Variants in LAMA1 observed in about 807,000 individuals in gnomAD.
LAMA1 encodes the protein laminin subunit alpha-1.
LAMA1 carries 219 observed loss-of-function variants against 348.7 expected under a neutral mutation model. The ratio of observed to expected loss-of-function variants is 0.63; its 90% CI spans 0.56 to 0.70. The LOEUF (loss-of-function observed/expected upper bound fraction) is 0.70. LAMA1 is among the 30% of genes least tolerant of loss of function. LAMA1 has a pLI of 0.00. For synonymous variants in LAMA1, 1,487 were observed against 1,491.0 expected, an observed-to-expected ratio of 1.00 and a Z score of 0.06; for missense variants, 3,744 against 3,888.0, an observed-to-expected ratio of 0.96 and a Z score of 0.99.
chr18:7,102,788 A>T (rs754059193), intron 1 of LAMA1, among the ~76,000 whole-genome samples: 27 of 152,184 alleles, frequency 1.8e-4, no homozygotes, highest in Non-Finnish European at 2.9e-4. Flanking sequence ...CTTGTTGACT[A>T]TGTGTGTTAA....
Position 7,077,010 on chromosome 18 carries a change from G to A in LAMA1, c.345+2965C>T, listed in dbSNP as rs141974615. 475 of 152,060 alleles carry A rather than the reference G, an allele frequency of 3.1e-3. 2 individuals carry two copies. The highest frequency in any genetic ancestry group is 0.011 in the African/African-American group (462 of 41,460). The allele number at this position is 152,060 out of a possible 1,614,324, so 9.4% of individuals were successfully genotyped here. ...AATAAATCTGAGAAAGGCTTGATCA[G>A]ATATAAGCATAATGTGCTTTGTTTA... On this transcript the variant is annotated intron_variant, in intron 3 of 62. Transcript: ENST00000389658.
At chr18:7,097,237 G>T (rs951254456) in intron 1 of LAMA1, among the ~76,000 whole-genome samples, 2 of 150,188 alleles carry the variant, frequency 1.3e-5, no homozygotes, top group Admixed American at 6.7e-5. Context: ...TCCACACCAG[G>T]CTTCTTTATT....
chr18:6,979,691 A>G (rs879466994), intron 42 of LAMA1, among the ~76,000 whole-genome samples: 24 of 152,238 alleles, frequency 1.6e-4, no homozygotes, highest in Admixed American at 1.0e-3. Context: ...CGAGGTCAGG[A>G]GATCGAGACC....
At chr18:7,013,246 T>C (rs984193222) in intron 23 of LAMA1, among the ~76,000 whole-genome samples, 11 of 151,926 alleles carry the variant, frequency 7.2e-5, no homozygotes, top group Non-Finnish European at 2.9e-5. Context: ...TTCCTTCCTA[T>C]CTCCAGTCAC....
At chr18:7,028,853 G>A (rs2057956047) in intron 16 of LAMA1, among the ~76,000 whole-genome samples, 2 of 152,224 alleles carry the variant, frequency 1.3e-5, no homozygotes, top group Non-Finnish European at 2.9e-5. Context: ...CGGGCTCGAA[G>A]GGAGCGGGGC....
At position 7,023,386 on chromosome 18, in the gene LAMA1, G is replaced by C. The variant is rs148128006; in HGVS notation, c.2490-11C>G. The C allele has an allele frequency of 6.2e-7, 1 of 1,611,340 alleles. No individual in the cohort carries two copies. The highest frequency in any genetic ancestry group is 1.1e-5 in the South Asian group (1 of 91,034). On this transcript the variant is annotated splice_polypyrimidine_tract_variant and intron_variant, in intron 18 of 62. Coordinates refer to ENST00000389658, the MANE Select transcript of LAMA1 (RefSeq NM_005559.4). Reference sequence around the variant, plus strand: ...TAACCATCTGCACATCTGTATCAAAGATTGAAAGTGGGATCAGACAAATGC... The same window carrying C: ...TAACCATCTGCACATCTGTATCAAACATTGAAAGTGGGATCAGACAAATGC...
chr18:7,075,493 A>G (rs1465382394), intron 3 of LAMA1, among the ~76,000 whole-genome samples: 1 of 151,942 alleles, frequency 6.6e-6, no homozygotes, highest in Admixed American at 6.6e-5. Context: ...ATGGTGGTGC[A>G]TGCCTGTAAT....
chr18:7,084,449 G>A (rs1288312921), intron 1 of LAMA1, among the ~76,000 whole-genome samples: 1 of 152,142 alleles, frequency 6.6e-6, no homozygotes, highest in Admixed American at 6.5e-5. Context: ...ACTTCATCAA[G>A]GACTTAATAA....
At chr18:7,038,671 G>GA in intron 11 of LAMA1, 139 bp downstream of exon 11, 1 of 1,172,886 alleles carries the variant, frequency 8.5e-7, no homozygotes, top group Non-Finnish European at 1.3e-6. Context: ...GGCTGCCTTT[G>GA]ACCCACGTCA....
Position 6,980,919 on chromosome 18 carries a change from C to T in LAMA1, c.5891-282G>A, listed in dbSNP as rs148826579. Among the ~76,000 whole-genome samples, 1,082 of 151,988 alleles carry T rather than the reference C, an allele frequency of 7.1e-3. 12 individuals carry two copies. The highest frequency in any genetic ancestry group is 0.026 in the African/African-American group (1,059 of 41,496). On this transcript the variant is annotated intron_variant, in intron 41 of 62. Transcript: ENST00000389658. ...ACCAGCCTGGCTAACACAGTGAAACCCCGTCTCTACTAAAAATAAAAATAA... is the reference window on the plus strand; with the variant it reads ...ACCAGCCTGGCTAACACAGTGAAACTCCGTCTCTACTAAAAATAAAAATAA...
chr18:7,080,308 C>T lies in LAMA1; in HGVS notation c.211G>A (p.Gly71Ser). ...VRNPQCRICD[G>S]NSANPRERHP... Reference sequence around the variant, plus strand: ...TTGCCTCTGGGGTTTGCGCTGTTGCCATCACAGATCCGGCACTGTGGGTTT... The same window carrying T: ...TTGCCTCTGGGGTTTGCGCTGTTGCTATCACAGATCCGGCACTGTGGGTTT... The change falls in exon 2 of 63, where the codon GGC (glycine) becomes AGC (serine). Residue 71 changes from glycine (G) to serine (S), a missense_variant. Gly to Ser is a moderately conservative substitution (Grantham distance 56). Coordinates refer to ENST00000389658, the MANE Select transcript of LAMA1 (RefSeq NM_005559.4). 1 of 1,614,248 alleles carries T rather than the reference C, an allele frequency of 6.2e-7. No individual in the cohort carries two copies. Among genetic ancestry groups the T allele is most frequent in the Middle Eastern group, 1.7e-4 (1 of 6,060 alleles).
chr18:6,997,251 A>G (rs555747399), intron 33 of LAMA1, among the ~76,000 whole-genome samples: 49 of 152,172 alleles, frequency 3.2e-4, no homozygotes, highest in African/African-American at 1.1e-3. Context: ...TTTGGTAGAG[A>G]TGGGGTTTCA....
At chr18:7,032,219 A>G (rs766556485) in intron 15 of LAMA1, 43 bp from the exon 16 acceptor site, 1 of 1,313,772 alleles carries the variant, frequency 7.6e-7, no homozygotes, top group East Asian at 2.3e-5. Flanking sequence ...CTACGTTACA[A>G]ACAGAAACTG....
Position 6,958,548 on chromosome 18 carries a change from T to C in LAMA1, c.7893A>G (p.Gly2631=). ...TCATTGTGAGCAGTGACGTCCCCTC[T>C]CCCTCTGGAATTCCCCCGACGTACA... is the stretch of plus-strand genomic sequence containing the variant. The part of the protein sequence containing the change: ...SNLYVGGIPE[G]EGTSLLTMRR... Residue 2631 remains glycine, a synonymous_variant, in exon 55 of 63, where the codon GGA becomes GGG. Coordinates refer to ENST00000389658, the MANE Select transcript of LAMA1 (RefSeq NM_005559.4). 6.2e-7 allele frequency: 1 copy of C among 1,614,156 alleles called. No individual in the cohort carries two copies. Among genetic ancestry groups the C allele is most frequent in the Non-Finnish European group, 8.5e-7 (1 of 1,180,026 alleles).
At chr18:7,067,805 T>TG (rs1443415747) in intron 3 of LAMA1, among the ~76,000 whole-genome samples, 1 of 152,066 alleles carries the variant, frequency 6.6e-6, no homozygotes, top group East Asian at 1.9e-4. Flanking sequence ...TCTTCCCTGC[T>TG]GCTTCTTCCT....
chr18:7,058,603 GA>G (rs754503432), intron 3 of LAMA1, among the ~76,000 whole-genome samples: 15 of 152,112 alleles, frequency 9.9e-5, no homozygotes, highest in Non-Finnish European at 1.9e-4. Flanking sequence ...GGTGTCATAA[GA>G]AAAGCAGATT....
chr18:7,114,702 A>C (rs2143842321), intron 1 of LAMA1, among the ~76,000 whole-genome samples: 1 of 152,306 alleles, frequency 6.6e-6, no homozygotes, highest in Middle Eastern at 3.4e-3. Flanking sequence ...AGAATTAAAC[A>C]CCTGAAGCTT....
intron 61 of LAMA1, among the ~76,000 whole-genome samples, chr18:6,946,716 T>A (rs143455224): frequency 1.5e-3 from 235 of 152,078 alleles, no homozygotes; most frequent in Non-Finnish European, 2.5e-3. Flanking sequence ...CGAAACTCCG[T>A]CTCAAAAAGA....
intron 29 of LAMA1, among the ~76,000 whole-genome samples, chr18:7,003,682 G>C (rs751601472): frequency 6.6e-6 from 1 of 152,184 alleles, no homozygotes; most frequent in Non-Finnish European, 1.5e-5. Context: ...TTCCATGTCT[G>C]ATGCAGCTGA....
Sources: allele counts gnomAD v4.1 joint callset (sites outside exome capture counted in the v4.1 genomes callset), GRCh38; gene constraint gnomAD v4.1.1; transcripts MANE v1.5; gene names NCBI Gene and HGNC (gene_info 2026-07-23, HGNC 2026-07-21).